The following XIRP2 variants were observed in gnomAD, a reference collection of about 807,000 sequenced individuals.
XIRP2 encodes the protein xin actin binding repeat containing 2, also known as xin actin-binding repeat-containing protein 2.
In XIRP2, 236 loss-of-function variants were observed where a neutral mutation model predicts 277.0. That is an observed-to-expected ratio of 0.85 (90% CI 0.77 to 0.95). XIRP2 has a LOEUF of 0.95. XIRP2 is among the 40% of genes least tolerant of loss of function. The probability of loss-of-function intolerance (pLI) is 0.00; values close to 1 mark genes in which losing one functional copy is unlikely to be tolerated. For synonymous variants in XIRP2, 1,490 were observed against 1,416.5 expected (o/e 1.05, Z -1.17); for missense variants, 4,640 against 4,157.5 (o/e 1.12, Z -3.19).
intron 2 of XIRP2, among the ~76,000 whole-genome samples, chr2:167,121,616 G>A (rs1691059541): frequency 6.6e-6 from 1 of 152,054 alleles, no homozygotes; most frequent in Non-Finnish European, 1.5e-5. Flanking sequence ...TTTAAGAGTG[G>A]ATATAGTCTC....
intron 1 of XIRP2, among the ~76,000 whole-genome samples, chr2:166,888,903 G>A (rs1299815970): frequency 1.3e-5 from 2 of 152,148 alleles, no homozygotes; most frequent in Non-Finnish European, 2.9e-5. Context: ...GATAGTCAGG[G>A]ACTTCTGGGG....
At position 167,246,486 on chromosome 2, in the gene XIRP2, T is replaced by C. The variant is rs1236012820; in HGVS notation, c.5094T>C (p.Asn1698=). ...NMTIYCLLHE[N]DGDTIEREEV... ...CTATCTATTGTCTTCTTCATGAAAA[T>C]GATGGTGACACAATTGAGCGTGAAG... The change falls in exon 9 of 11, where the codon AAT becomes AAC. Residue 1698 remains asparagine (N), a synonymous_variant. Transcript: ENST00000409195. 3.1e-6 allele frequency: 5 copies of C among 1,613,550 alleles called. 1 individual carries two copies. The South Asian group carries it at 5.5e-5, about 18-fold the overall frequency.
intron 3 of XIRP2, chr2:167,184,508 G>A (rs1048459648): frequency 2.8e-6 from 2 of 709,514 alleles, no homozygotes; most frequent in Non-Finnish European, 5.2e-6. Flanking sequence ...CCATGGAATT[G>A]CCAAAGGTTC....
chr2:167,178,788 A>G (rs528300799), intron 3 of XIRP2, among the ~76,000 whole-genome samples: 64 of 152,144 alleles, frequency 4.2e-4, no homozygotes, highest in Non-Finnish European at 7.4e-4. Flanking sequence ...TCCTTCATAA[A>G]CTTATCCCGT....
In XIRP2 at chr2:167,195,507, T is replaced by C. The variant is rs144997227; in HGVS notation, c.563-15228T>C. 7.8e-4 allele frequency among the ~76,000 whole-genome samples: 119 copies of C among 152,324 alleles called. 2 individuals are homozygous for C. In the East Asian group the frequency reaches 0.02, roughly 25 times the overall value. On this transcript the variant is annotated intron_variant, in intron 3 of 10. Transcript: ENST00000409195. ...TAGCATGTCCTGCACAGCAGCCCCTTCCAACTTTATTTACTTAATCTCTCC... is the reference window on the plus strand; with the variant it reads ...TAGCATGTCCTGCACAGCAGCCCCTCCCAACTTTATTTACTTAATCTCTCC...
chr2:167,246,862 C>A lies in XIRP2; in HGVS notation c.5470C>A (p.Pro1824Thr). 2 of 1,613,694 alleles carry A rather than the reference C, an allele frequency of 1.2e-6. No individual in the cohort carries two copies. Among genetic ancestry groups the A allele is most frequent in the African/African-American group, 2.7e-5 (2 of 74,952 alleles). Residue 1824 changes from proline to threonine, a missense_variant, in exon 9 of 11, where the codon CCT becomes ACT. Coordinates refer to ENST00000409195, the MANE Select transcript of XIRP2 (RefSeq NM_152381.6). ...CACAGTTAAGGTTTTTATGACCGAG[C>A]CTCAGAGTACATTTGGTAAGATACC... Reference protein sequence around the residue: ...HNTVKVFMTEPQSTFGKIPKE... With the variant: ...HNTVKVFMTETQSTFGKIPKE...
intron 2 of XIRP2, among the ~76,000 whole-genome samples, chr2:167,101,440 C>A (rs541568456): frequency 2.0e-5 from 3 of 152,192 alleles, no homozygotes; most frequent in East Asian, 3.9e-4. Flanking sequence ...ATACACTGTA[C>A]CCAATTTGTA....
At chr2:167,121,598 A>G (rs1423933359) in intron 2 of XIRP2, among the ~76,000 whole-genome samples, 2 of 152,202 alleles carry the variant, frequency 1.3e-5, no homozygotes. Flanking sequence ...TCTTTTCATT[A>G]TAATTCTTTT....
At chr2:167,071,944 A>G (rs1439118272) in intron 2 of XIRP2, among the ~76,000 whole-genome samples, 1 of 152,212 alleles carries the variant, frequency 6.6e-6, no homozygotes, top group Non-Finnish European at 1.5e-5. Flanking sequence ...ACAGGTGGGG[A>G]GATAACCTTG....
intron 2 of XIRP2, among the ~76,000 whole-genome samples, chr2:167,080,023 CATAAA>C (rs1223351247): frequency 3.3e-5 from 5 of 151,164 alleles, no homozygotes; most frequent in East Asian, 2.0e-4. Context: ...TTTATCCAAA[CATAAA>C]ATAAAATAAA....
In XIRP2 at chr2:167,240,769, C is replaced by G. The variant is rs1197322631; in HGVS notation, c.1042+33C>G. On this transcript the variant is annotated intron_variant, in intron 7 of 10. Coordinates refer to ENST00000409195, the MANE Select transcript of XIRP2 (RefSeq NM_152381.6). The stretch of plus-strand genomic sequence containing the variant: ...TCTGGTATTATTGGTTCCAATACTC[C>G]TTTCTCCTATTGATGTGTTTGATTT... The G allele has an allele frequency of 5.7e-6, 9 of 1,573,758 alleles. No homozygotes were observed. The Admixed American group carries it at 1.2e-4, about 20-fold the overall frequency.
At chr2:167,207,834 A>C (rs1183601806) in intron 3 of XIRP2, among the ~76,000 whole-genome samples, 1 of 152,168 alleles carries the variant, frequency 6.6e-6, no homozygotes, top group East Asian at 1.9e-4. Flanking sequence ...TAAAAAAGAC[A>C]TTCTTATCCT....
chr2:167,243,733 A>G lies in XIRP2; in HGVS notation c.2341A>G (p.Thr781Ala), dbSNP rs530233181. 3 of 1,614,064 alleles carry G rather than the reference A, an allele frequency of 1.9e-6. No homozygotes were observed. Among genetic ancestry groups the G allele is most frequent in the African/African-American group, 1.3e-5 (1 of 75,026 alleles). Reference protein sequence around the residue: ...RWMFETQPLDTINKDITEIKV... With the variant: ...RWMFETQPLDAINKDITEIKV... ...GATGTTTGAAACACAGCCGTTGGAC[A>G]CAATTAACAAAGATATCACAGAAAT... Residue 781 changes from threonine (T) to alanine (A), a missense_variant, in exon 9 of 11, where the codon ACA becomes GCA. Coordinates refer to ENST00000409195, the MANE Select transcript of XIRP2 (RefSeq NM_152381.6).
chr2:167,177,751 T>A (rs1482288154), intron 3 of XIRP2, among the ~76,000 whole-genome samples: 1 of 152,166 alleles, frequency 6.6e-6, no homozygotes, highest in Non-Finnish European at 1.5e-5. Context: ...ATACCAGTGG[T>A]AGAAGATTAA....
intron 5 of XIRP2, among the ~76,000 whole-genome samples, chr2:167,226,351 C>T: frequency 6.6e-6 from 1 of 152,166 alleles, no homozygotes; most frequent in Non-Finnish European, 1.5e-5. Context: ...TGTCTCTTCT[C>T]TTCCTACCCA....
At chr2:166,976,536 T>G (rs903563952) in intron 2 of XIRP2, among the ~76,000 whole-genome samples, 2 of 152,226 alleles carry the variant, frequency 1.3e-5, no homozygotes, top group African/African-American at 4.8e-5. Context: ...TATTTCAGTC[T>G]ACTTGGAATT....
intron 2 of XIRP2, among the ~76,000 whole-genome samples, chr2:166,980,905 A>AT (rs1686849446): frequency 6.6e-6 from 1 of 151,842 alleles, no homozygotes; most frequent in African/African-American, 2.4e-5. Context: ...TTGGTCATGC[A>AT]TTTTTTCAAA....
At chr2:167,151,256 G>T (rs1433456169) in intron 3 of XIRP2, among the ~76,000 whole-genome samples, 1 of 152,126 alleles carries the variant, frequency 6.6e-6, no homozygotes, top group Non-Finnish European at 1.5e-5. Context: ...GATGTCGGAA[G>T]TTGTTAATGG....
At chr2:167,032,110 A>G (rs1688380640) in intron 2 of XIRP2, among the ~76,000 whole-genome samples, 1 of 152,178 alleles carries the variant, frequency 6.6e-6, no homozygotes, top group Non-Finnish European at 1.5e-5. Flanking sequence ...ACAGATATAT[A>G]GACAAATGGA....
Sources: gnomAD v4.1 joint callset for allele counts (sites outside exome capture counted in the v4.1 genomes callset) on GRCh38, gnomAD v4.1.1 for gene constraint, MANE v1.5 for transcripts, NCBI Gene and HGNC (gene_info 2026-07-23, HGNC 2026-07-21) for gene names.